PDIA5: variants seen among roughly 807,000 people sequenced by gnomAD.
The protein encoded by PDIA5 is protein disulfide isomerase family A member 5, also known as protein disulfide-isomerase A5.
Under a neutral mutation model 77.6 loss-of-function variants are expected in PDIA5, and 58 were observed. The observed-to-expected ratio is 0.75, with a 90% CI of 0.61 to 0.93. PDIA5 has a LOEUF of 0.93. PDIA5 is among the 40% of genes least tolerant of loss of function. The pLI is 0.00. For synonymous variants in PDIA5, 250 were observed against 252.1 expected (o/e 0.99, Z 0.08); for missense variants, 630 against 647.7 (o/e 0.97, Z 0.30).
chr3:123,078,297 G>A (rs374758272), intron 1 of PDIA5, among the ~76,000 whole-genome samples: 5 of 152,326 alleles, frequency 3.3e-5, no homozygotes, highest in Middle Eastern at 6.8e-3. Context: ...AGCACTGCAC[G>A]TACGTGGGAA....
intron 15 of PDIA5, among the ~76,000 whole-genome samples, chr3:123,156,362 G>A (rs561203405): frequency 4.9e-4 from 74 of 152,306 alleles, no homozygotes; most frequent in Non-Finnish European, 8.1e-4. Context: ...CCCACCAGAA[G>A]GGAGTACAAG....
intron 1 of PDIA5, among the ~76,000 whole-genome samples, chr3:123,081,941 G>T (rs1934021795): frequency 6.6e-6 from 1 of 152,212 alleles, no homozygotes; most frequent in Non-Finnish European, 1.5e-5. Flanking sequence ...GCCTCATTAA[G>T]TGAGCTGAGT....
rs1934999575 is a variant in PDIA5 at position 123,116,416 on chromosome 3, C to T, written c.609+118C>T. The stretch of plus-strand genomic sequence containing the variant: ...TGGTGAGGATGACTGACCCTGCTGC[C>T]TGGGCCGTTGCTGAATCGCAGCCTT... On this transcript the variant is annotated intron_variant, in intron 8 of 16. Coordinates refer to ENST00000316218, the MANE Select transcript of PDIA5 (RefSeq NM_006810.4). 7.9e-6 allele frequency: 6 copies of T among 763,888 alleles called. No individual in the cohort carries two copies. In the South Asian group the frequency reaches 8.0e-5, roughly 10 times the overall value. 47.3% of individuals were successfully genotyped at this position (763,888 alleles called of 1,614,324 possible).
Position 123,103,002 on chromosome 3 carries a change from G to GA in PDIA5, c.387+209dup, listed in dbSNP as rs527767930. ...AACACAACAGATTGACCCAGCTTTG[G>GA]AAATAGGTTTGTGAATGTATCAGCA... On this transcript the variant is annotated intron_variant, in intron 5 of 16. Transcript: ENST00000316218. Among the ~76,000 whole-genome samples, 499 of 152,356 alleles carry GA rather than the reference G, an allele frequency of 3.3e-3. 4 individuals are homozygous for GA. Among genetic ancestry groups the GA allele is most frequent in the Non-Finnish European group, 5.4e-3 (369 of 68,036 alleles).
At chr3:123,119,983 G>A (rs1935072875) in intron 8 of PDIA5, among the ~76,000 whole-genome samples, 1 of 152,156 alleles carries the variant, frequency 6.6e-6, no homozygotes, top group Non-Finnish European at 1.5e-5. Flanking sequence ...CCTCTTTTGT[G>A]CTGTCATTGA....
chr3:123,161,944 A>G lies in PDIA5; in HGVS notation c.1544A>G (p.Lys515Arg), dbSNP rs1161783346. 1 of 1,593,890 alleles carries G rather than the reference A, an allele frequency of 6.3e-7. No homozygotes were observed. The highest frequency in any genetic ancestry group is 8.6e-7 in the Non-Finnish European group (1 of 1,161,716). The change falls in exon 17 of 17, where the codon AAG (lysine) becomes AGG (arginine). Residue 515 changes from lysine to arginine, a missense_variant. By Grantham distance (26) the Lys-to-Arg change is conservative. Coordinates refer to ENST00000316218, the MANE Select transcript of PDIA5 (RefSeq NM_006810.4). The stretch of plus-strand genomic sequence containing the variant: ...GGAGACCATGAAAGACTAGGGAAAA[A>G]GAAGGAAGAGTTATAATTCCTGCCT... Reference protein sequence around the residue: ...REGDHERLGKKKEEL With the variant: ...REGDHERLGKRKEEL
At chr3:123,129,884 C>T (rs1253931852) in intron 10 of PDIA5, among the ~76,000 whole-genome samples, 15 of 152,182 alleles carry the variant, frequency 9.9e-5, no homozygotes, top group Admixed American at 7.9e-4. Context: ...GTAGCATACA[C>T]GCTGTCGTAG....
chr3:123,114,345 C>T (rs1405006262), intron 7 of PDIA5, among the ~76,000 whole-genome samples: 1 of 150,186 alleles, frequency 6.7e-6, no homozygotes, highest in African/African-American at 2.5e-5. Context: ...GAAGTGTTTC[C>T]CCCACCATGG....
At chr3:123,068,612 C>T (rs906194212) in intron 1 of PDIA5, among the ~76,000 whole-genome samples, 1 of 152,208 alleles carries the variant, frequency 6.6e-6, no homozygotes, top group Non-Finnish European at 1.5e-5. Context: ...GTCCTGCTTT[C>T]CTCCCTTTCC....
At chr3:123,098,833 G>A (rs955684503) in intron 3 of PDIA5, among the ~76,000 whole-genome samples, 3 of 152,158 alleles carry the variant, frequency 2.0e-5, no homozygotes, top group African/African-American at 4.8e-5. Context: ...CCCTCAATTC[G>A]AGCAAAGCAT....
chr3:123,143,396 A>G (rs556772413), intron 11 of PDIA5, among the ~76,000 whole-genome samples: 2 of 151,396 alleles, frequency 1.3e-5, no homozygotes, highest in Admixed American at 1.3e-4. Context: ...CAAAAAAAAA[A>G]AAAAAAAAGA....
intron 11 of PDIA5, among the ~76,000 whole-genome samples, chr3:123,131,411 C>T (rs747883830): frequency 3.3e-5 from 5 of 151,168 alleles, no homozygotes; most frequent in South Asian, 4.2e-4. Flanking sequence ...CAGAGCGAGG[C>T]TCCATCTCAA....
At chr3:123,126,103 G>T (rs764617083) in intron 10 of PDIA5, among the ~76,000 whole-genome samples, 6 of 151,998 alleles carry the variant, frequency 3.9e-5, no homozygotes, top group African/African-American at 9.7e-5. Flanking sequence ...GGTTTATGTG[G>T]TTTTTTTTAA....
intron 11 of PDIA5, among the ~76,000 whole-genome samples, chr3:123,137,650 A>T (rs1330873590): frequency 6.6e-6 from 1 of 152,188 alleles, no homozygotes; most frequent in East Asian, 1.9e-4. Context: ...ATGATTAATT[A>T]TTCTCATTTT....
intron 8 of PDIA5, among the ~76,000 whole-genome samples, chr3:123,122,392 G>A (rs879263382): frequency 6.6e-5 from 10 of 152,086 alleles, no homozygotes; most frequent in Admixed American, 4.6e-4. Context: ...AAGTAAATTC[G>A]AATTCAAATT....
intron 15 of PDIA5, among the ~76,000 whole-genome samples, chr3:123,159,843 A>C (rs1936115135): frequency 6.6e-6 from 1 of 152,182 alleles, no homozygotes; most frequent in Non-Finnish European, 1.5e-5. Context: ...TCAGCTATCC[A>C]TCTGGCAGCT....
chr3:123,067,250 T>C (rs966150143), intron 1 of PDIA5, 44 bp downstream of exon 1: 1 of 1,228,136 alleles, frequency 8.1e-7, no homozygotes, highest in African/African-American at 1.6e-5. Flanking sequence ...AGCACGTGTG[T>C]CCCGCGTGCC....
At chr3:123,159,661 A>G (rs1936108833) in intron 15 of PDIA5, among the ~76,000 whole-genome samples, 1 of 152,256 alleles carries the variant, frequency 6.6e-6, no homozygotes, top group Non-Finnish European at 1.5e-5. Flanking sequence ...TGGGCCAAAT[A>G]GAAGAGGACT....
At chr3:123,069,694 TC>T (rs1337443872) in intron 1 of PDIA5, among the ~76,000 whole-genome samples, 2 of 152,218 alleles carry the variant, frequency 1.3e-5, no homozygotes, top group East Asian at 3.9e-4. Flanking sequence ...TCATGAGCGA[TC>T]CACCCTCATG....
Sources: gnomAD v4.1 joint callset for allele counts (sites outside exome capture counted in the v4.1 genomes callset) on GRCh38, gnomAD v4.1.1 for gene constraint, MANE v1.5 for transcripts, NCBI Gene and HGNC (gene_info 2026-07-23, HGNC 2026-07-21) for gene names.